PRTFDC1: variants seen among roughly 807,000 people sequenced by gnomAD.
PRTFDC1 encodes the protein phosphoribosyl transferase domain containing 1.
A neutral mutation model predicts 34.6 loss-of-function variants in PRTFDC1; 38 were observed. That is an observed-to-expected ratio of 1.10 (90% CI 0.85 to 1.44). The LOEUF (loss-of-function observed/expected upper bound fraction) is 1.44, where lower values mean the gene tolerates loss of function less well. PRTFDC1 is among the 40% of genes most tolerant of loss of function. The pLI, the probability that PRTFDC1 is intolerant of heterozygous loss-of-function variation, is 0.00. For synonymous variants in PRTFDC1, 93 were observed against 98.1 expected (o/e 0.95, Z 0.31); for missense variants, 270 against 283.0 (o/e 0.95, Z 0.33).
chr10:24,898,380 A>G (rs1407407049), intron 3 of PRTFDC1, among the ~76,000 whole-genome samples: 1 of 147,592 alleles, frequency 6.8e-6, no homozygotes, highest in Non-Finnish European at 1.5e-5. Context: ...GGGAGAATCA[A>G]TTGAGCCTGG....
intron 3 of PRTFDC1, among the ~76,000 whole-genome samples, chr10:24,934,960 CA>C (rs1332976942): frequency 6.6e-6 from 1 of 152,162 alleles, no homozygotes; most frequent in Non-Finnish European, 1.5e-5. Context: ...ACTAAAGCTA[CA>C]TGATATATGA....
intron 3 of PRTFDC1, among the ~76,000 whole-genome samples, chr10:24,917,328 G>A (rs1301576345): frequency 6.6e-6 from 1 of 152,120 alleles, no homozygotes; most frequent in Non-Finnish European, 1.5e-5. Flanking sequence ...AAGTGTGGTG[G>A]GGGTAGGGAT....
intron 4 of PRTFDC1, among the ~76,000 whole-genome samples, chr10:24,858,622 A>G (rs1211028755): frequency 6.6e-6 from 1 of 152,132 alleles, no homozygotes; most frequent in African/African-American, 2.4e-5. Flanking sequence ...TAGTATCTAT[A>G]TTTAGGTTAG....
Position 24,863,326 on chromosome 10 carries a change from A to G in PRTFDC1, c.406-4917T>C, listed in dbSNP as rs960319372. On this transcript the variant is annotated intron_variant, in intron 4 of 8. Transcript: ENST00000320152. ...ATAAATGGAGCAGCAAAGCCTGTTT[A>G]TATAGGCACATCTGCTTACAACATG... Among the ~76,000 whole-genome samples, 3 of 152,216 alleles carry G rather than the reference A, an allele frequency of 2.0e-5. No individual in the cohort carries two copies. In the East Asian group the frequency reaches 5.8e-4, roughly 29 times the overall value.
At chr10:24,882,204 CAAA>C (rs10651020) in intron 3 of PRTFDC1, among the ~76,000 whole-genome samples, 1 of 107,528 alleles carries the variant, frequency 9.3e-6, no homozygotes, top group African/African-American at 3.8e-5. Context: ...GGATCTGCCT[CAAA>C]AAAAAAAAAA....
intron 3 of PRTFDC1, among the ~76,000 whole-genome samples, chr10:24,894,695 T>C (rs188445120): frequency 1.3e-5 from 2 of 152,276 alleles, no homozygotes; most frequent in East Asian, 3.9e-4. Context: ...ACTTAAAATG[T>C]TTCAGTGCTG....
chr10:24,905,400 C>T (rs570610789), intron 3 of PRTFDC1, among the ~76,000 whole-genome samples: 1 of 146,878 alleles, frequency 6.8e-6, no homozygotes, highest in South Asian at 2.2e-4. Flanking sequence ...CGGCTCACTG[C>T]AACCTCCGAC....
chr10:24,922,413 T>G (rs1257662757), intron 3 of PRTFDC1, among the ~76,000 whole-genome samples: 1 of 152,226 alleles, frequency 6.6e-6, no homozygotes, highest in Non-Finnish European at 1.5e-5. Context: ...CACCTTGAAT[T>G]GTAATAATCT....
chr10:24,872,674 T>C (rs1847891022), intron 3 of PRTFDC1, among the ~76,000 whole-genome samples: 1 of 150,914 alleles, frequency 6.6e-6, no homozygotes, highest in Admixed American at 6.6e-5. Flanking sequence ...CTCAGAACTA[T>C]ACGTGTGTGT....
rs182156876 is a variant in PRTFDC1, at chr10:24,872,171, T to C, written c.340-108A>G. ...GTGGCCGGAATGTGCCTTACAAATATAGCACAAATAGCTAATAGGGATTCA... is the reference window on the plus strand; with the variant it reads ...GTGGCCGGAATGTGCCTTACAAATACAGCACAAATAGCTAATAGGGATTCA... On this transcript the variant is annotated intron_variant, in intron 3 of 8. Transcript: ENST00000320152. 1.9e-5 allele frequency: 17 copies of C among 887,550 alleles called. No homozygotes were observed. In the East Asian group the frequency reaches 2.0e-4, roughly 11 times the overall value. The allele number at this position is 887,550 out of a possible 1,614,324, so 55.0% of individuals were successfully genotyped here. A position where few individuals can be genotyped will look rare whatever the true frequency, so the allele number is the denominator to read the frequency against.
At position 24,851,444 on chromosome 10, in the gene PRTFDC1, T is replaced by C. The variant is rs765563550; in HGVS notation, c.574A>G (p.Asn192Asp). The C allele has an allele frequency of 7.4e-6, 12 of 1,611,744 alleles. No individual in the cohort carries two copies. In the East Asian group the frequency reaches 2.0e-4, roughly 27 times the overall value. ...AAGGCATATCCCACCACAAATAAGT[T>C]TGGAATCTCAAATCCAGCATCTTAG... is the stretch of plus-strand genomic sequence containing the variant. ...RPDYAGFEIPNLFVVGYALDY... is the reference protein window; with the variant it reads ...RPDYAGFEIPDLFVVGYALDY... Residue 192 changes from asparagine (N) to aspartate (D), a missense_variant, in exon 8 of 9, where the codon AAC becomes GAC. By Grantham distance (23) the Asn-to-Asp change is conservative. Transcript: ENST00000320152.
chr10:24,931,919 A>AACAAAAAAC (rs556920194), intron 3 of PRTFDC1, among the ~76,000 whole-genome samples: 2 of 150,994 alleles, frequency 1.3e-5, no homozygotes, highest in Non-Finnish European at 3.0e-5. Context: ...ATAAGAAAAA[A>AACAAAAAAC]AAAAAACAAA....
At chr10:24,853,706 G>A (rs991955029) in intron 7 of PRTFDC1, among the ~76,000 whole-genome samples, 3 of 152,084 alleles carry the variant, frequency 2.0e-5, no homozygotes, top group Admixed American at 2.0e-4. Flanking sequence ...ATTAGGCAGG[G>A]CAACTCACAC....
At chr10:24,870,610 C>T (rs1252673990) in intron 4 of PRTFDC1, among the ~76,000 whole-genome samples, 4 of 152,116 alleles carry the variant, frequency 2.6e-5, no homozygotes, top group African/African-American at 7.2e-5. Context: ...CTGGAAATTA[C>T]TTTGAGTATT....
At chr10:24,850,328 T>C (rs1847462488) in intron 8 of PRTFDC1, among the ~76,000 whole-genome samples, 1 of 152,076 alleles carries the variant, frequency 6.6e-6, no homozygotes, top group South Asian at 2.1e-4. Flanking sequence ...GCCAGGCTAA[T>C]GTAAGCAAAA....
chr10:24,897,606 G>A (rs951585239), intron 3 of PRTFDC1, among the ~76,000 whole-genome samples: 1 of 152,194 alleles, frequency 6.6e-6, no homozygotes, highest in African/African-American at 2.4e-5. Context: ...ACAACTTGAT[G>A]GAAATCCGGG....
intron 3 of PRTFDC1, among the ~76,000 whole-genome samples, chr10:24,917,151 C>T (rs1469369771): frequency 1.3e-5 from 2 of 152,156 alleles, no homozygotes; most frequent in Admixed American, 6.5e-5. Flanking sequence ...CTAAAGAGAG[C>T]GAGATTTCCT....
At chr10:24,928,991 G>C (rs180904701) in intron 3 of PRTFDC1, among the ~76,000 whole-genome samples, 337 of 145,100 alleles carry the variant, frequency 2.3e-3, no homozygotes, top group African/African-American at 8.4e-3. Flanking sequence ...AGTGAGTCGA[G>C]ATCGCAGCCA....
intron 3 of PRTFDC1, among the ~76,000 whole-genome samples, chr10:24,916,001 A>T (rs993552927): frequency 2.0e-5 from 3 of 152,136 alleles, no homozygotes; most frequent in Non-Finnish European, 1.5e-5. Context: ...TTAGGAGGAA[A>T]AATATTCCAA....
Sources: gnomAD v4.1 joint callset for allele counts (sites outside exome capture counted in the v4.1 genomes callset) on GRCh38, gnomAD v4.1.1 for gene constraint, MANE v1.5 for transcripts, NCBI Gene and HGNC (gene_info 2026-07-23, HGNC 2026-07-21) for gene names.